HECA: variants seen among roughly 807,000 people sequenced by gnomAD.
HECA encodes the protein headcase protein homolog.
In HECA, 13 loss-of-function variants were observed where a neutral mutation model predicts 37.6. The observed-to-expected ratio is 0.35, with a 90% CI of 0.23 to 0.55. HECA has a LOEUF of 0.55. HECA is among the 20% of genes least tolerant of loss of function. HECA has a pLI of 0.90. For missense variants in HECA, 527 were observed against 701.9 expected, an observed-to-expected ratio of 0.75 and a Z score of 2.82; for synonymous variants, 307 against 291.5, an observed-to-expected ratio of 1.05 and a Z score of -0.54.
At chr6:139,172,948 A>G (rs1046998287) in intron 2 of HECA, among the ~76,000 whole-genome samples, 1 of 152,198 alleles carries the variant, frequency 6.6e-6, no homozygotes, top group African/African-American at 2.4e-5. Flanking sequence ...CATTATGGTC[A>G]TCGTTAGCAA....
intron 1 of HECA, among the ~76,000 whole-genome samples, chr6:139,163,574 G>A (rs557891896): frequency 1.2e-3 from 176 of 152,054 alleles, no homozygotes; most frequent in Middle Eastern, 0.01. Context: ...GGCTAGTATC[G>A]AACTCCTGAC....
intron 3 of HECA, among the ~76,000 whole-genome samples, chr6:139,175,286 G>A (rs1775035078): frequency 2.0e-5 from 3 of 152,154 alleles, no homozygotes; most frequent in South Asian, 4.1e-4. Flanking sequence ...ACTCTCATGG[G>A]CAGGAGAGAA....
In HECA at chr6:139,178,196, A is replaced by G. The variant is rs1562251756; in HGVS notation, c.*1091A>G. 1 of 152,252 alleles carries G rather than the reference A, an allele frequency of 6.6e-6. No individual in the cohort carries two copies. Among genetic ancestry groups the G allele is most frequent in the Non-Finnish European group, 1.5e-5 (1 of 68,044 alleles). The allele number at this position is 152,252 out of a possible 1,614,324, so 9.4% of individuals were successfully genotyped here. A position where few individuals can be genotyped will look rare whatever the true frequency, so the allele number is the denominator to read the frequency against. ...TAATGCATAGCAGTATGTTTGAAAA[A>G]TAGACCATTCTAAAAAGCCCATGAT... On this transcript the variant is annotated 3_prime_UTR_variant, in exon 4 of 4. Transcript: ENST00000367658.
intron 1 of HECA, chr6:139,159,327 TC>T (rs1281530495): frequency 3.3e-5 from 5 of 152,140 alleles, no homozygotes; most frequent in African/African-American, 1.2e-4. Context: ...GGGGATTTGT[TC>T]CCACATAAGA....
At position 139,176,991 on chromosome 6, in the gene HECA, C is replaced by T. The variant is rs571949782; in HGVS notation, c.1518C>T (p.Ile506=). ...GGAAGCCGGTGATCGACGTGAGGATCGGGATGCAGTACTTCTCCGAATATA... is the reference window on the plus strand; with the variant it reads ...GGAAGCCGGTGATCGACGTGAGGATTGGGATGCAGTACTTCTCCGAATATA... The part of the protein sequence containing the change: ...HCGKPVIDVR[I]GMQYFSEYSN... Residue 506 remains isoleucine, a synonymous_variant, in exon 4 of 4, where the codon ATC becomes ATT. Transcript: ENST00000367658. The surrounding 1 kb of genome is among the most constrained non-coding windows in gnomAD (Gnocchi z 4.5). 423 of 872,648 alleles carry T rather than the reference C, an allele frequency of 4.8e-4. 4 individuals are homozygous for T. In the South Asian group the frequency reaches 5.1e-3, roughly 11 times the overall value. 54.1% of individuals were successfully genotyped at this position (872,648 alleles called of 1,614,324 possible). A position where few individuals can be genotyped will look rare whatever the true frequency, so the allele number is the denominator to read the frequency against.
chr6:139,174,572 T>G, intron 3 of HECA, 33 bp downstream of exon 3: 1 of 1,603,710 alleles, frequency 6.2e-7, no homozygotes, highest in Admixed American at 1.7e-5. Flanking sequence ...GAGCAGTGGG[T>G]GATATTAGGC....
intron 1 of HECA, among the ~76,000 whole-genome samples, chr6:139,136,269 A>T (rs1435090592): frequency 5.8e-4 from 9 of 15,470 alleles, no homozygotes; most frequent in Admixed American, 1.7e-3. Context: ...CCCGGAGTTA[A>T]AAAAAAAAAA....
intron 1 of HECA, among the ~76,000 whole-genome samples, chr6:139,141,053 G>A (rs1008912719): frequency 6.6e-6 from 1 of 152,188 alleles, no homozygotes; most frequent in African/African-American, 2.4e-5. Context: ...GCCTCCCAAA[G>A]TGCTGAGATT....
At chr6:139,172,581 C>T (rs554853976) in intron 2 of HECA, among the ~76,000 whole-genome samples, 18 of 152,268 alleles carry the variant, frequency 1.2e-4, no homozygotes, top group Admixed American at 5.9e-4. Context: ...TCTGAAGAAT[C>T]GGCTTTTTGT....
chr6:139,157,435 G>A (rs756476881), intron 1 of HECA, among the ~76,000 whole-genome samples: 8 of 152,142 alleles, frequency 5.3e-5, no homozygotes, highest in Non-Finnish European at 1.0e-4. Flanking sequence ...CACGCCTCTT[G>A]ACAATATAAC....
chr6:139,154,034 C>G (rs1774684386), intron 1 of HECA, among the ~76,000 whole-genome samples: 3 of 152,150 alleles, frequency 2.0e-5, no homozygotes, highest in Admixed American at 2.0e-4. Flanking sequence ...AGTGTTCTTT[C>G]AAGAGAAATG....
intron 1 of HECA, among the ~76,000 whole-genome samples, chr6:139,135,965 C>T (rs1774429969): frequency 1.3e-5 from 2 of 151,976 alleles, no homozygotes; most frequent in South Asian, 2.1e-4. Context: ...TGGCACTGCC[C>T]CGCCGTGTGT....
intron 2 of HECA, among the ~76,000 whole-genome samples, chr6:139,172,795 A>G (rs1261464034): frequency 6.6e-6 from 1 of 152,178 alleles, no homozygotes; most frequent in African/African-American, 2.4e-5. Context: ...TGTAAGCCTC[A>G]CTTCCTACTC....
At chr6:139,156,287 C>T (rs1465143724) in intron 1 of HECA, among the ~76,000 whole-genome samples, 3 of 152,100 alleles carry the variant, frequency 2.0e-5, no homozygotes, top group Admixed American at 6.5e-5. Context: ...CTGCAGCTTC[C>T]GCCTCCCAGG....
Position 139,174,507 on chromosome 6 carries a change from T to A in HECA, c.1435T>A (p.Tyr479Asn), listed in dbSNP as rs1329411711. Residue 479 changes from tyrosine (Y) to asparagine (N), a missense_variant, in exon 3 of 4, where the codon TAC becomes AAC. By Grantham distance (143) the Tyr-to-Asn change is moderately radical. Transcript: ENST00000367658. ...SWHQLGTMYT[Y>N]DILAASPCCQ... ...GCACCAGCTGGGCACTATGTACACCTACGACATCCTGGCTGCCTCTCCATG... is the reference window on the plus strand; with the variant it reads ...GCACCAGCTGGGCACTATGTACACCAACGACATCCTGGCTGCCTCTCCATG... 6.2e-7 allele frequency: 1 copy of A among 1,614,088 alleles called. No individual in the cohort carries two copies. Among genetic ancestry groups the A allele is most frequent in the Admixed American group, 1.7e-5 (1 of 60,012 alleles).
At chr6:139,166,216 T>C in intron 1 of HECA, 68 bp from the exon 2 acceptor site, 4 of 1,251,302 alleles carry the variant, frequency 3.2e-6, no homozygotes, top group South Asian at 1.4e-5. Context: ...ACCATACTGT[T>C]GCAAGTACAG....
chr6:139,135,896 A>G (rs1774429017), intron 1 of HECA, among the ~76,000 whole-genome samples: 2 of 151,272 alleles, frequency 1.3e-5, no homozygotes, highest in South Asian at 2.1e-4. Flanking sequence ...CGCGCCCCAC[A>G]CTCTGAGGGG....
chr6:139,161,295 C>T (rs574143161), intron 1 of HECA, among the ~76,000 whole-genome samples: 1 of 152,170 alleles, frequency 6.6e-6, no homozygotes, highest in African/African-American at 2.4e-5. Context: ...TTAACATGCT[C>T]TTGGCTTTGT....
rs762650167 is a variant in HECA at position 139,172,900 on chromosome 6, C to T, written c.1313-1485C>T. On this transcript the variant is annotated intron_variant, in intron 2 of 3. Coordinates refer to ENST00000367658, the MANE Select transcript of HECA (RefSeq NM_016217.3). ...CGGAGCTGGTAGCATAGTGCCATAC[C>T]CTCGGTTAACTCTTAGTAAAAGTTA... Among the ~76,000 whole-genome samples, 13 of 152,202 alleles carry T rather than the reference C, an allele frequency of 8.5e-5. No individual in the cohort carries two copies. The East Asian group carries it at 2.5e-3, about 30-fold the overall frequency.
Sources: gnomAD v4.1 joint callset for allele counts (sites outside exome capture counted in the v4.1 genomes callset) on GRCh38, gnomAD v4.1.1 for gene constraint, Gnocchi (gnomAD v3.1) non-coding constraint, MANE v1.5 for transcripts, NCBI Gene and HGNC (gene_info 2026-07-23, HGNC 2026-07-21) for gene names.